The following ZNF609 variants were observed in gnomAD, a reference collection of about 807,000 sequenced individuals.
ZNF609 encodes the protein zinc finger protein 609.
Under a neutral mutation model 109.5 loss-of-function variants are expected in ZNF609, and 11 were observed. The observed-to-expected ratio is 0.10, with a 90% CI of 0.06 to 0.17. The LOEUF is 0.17. ZNF609 is among the 10% of genes least tolerant of loss of function. ZNF609 has a pLI of 1.00. For synonymous variants in ZNF609, 646 were observed against 662.0 expected (o/e 0.98, Z 0.37); for missense variants, 1,559 against 1,772.4 (o/e 0.88, Z 2.16).
intron 3 of ZNF609, among the ~76,000 whole-genome samples, chr15:64,627,970 T>G (rs1895998621): frequency 6.6e-6 from 1 of 150,526 alleles, no homozygotes. Context: ...TATCAGCTCT[T>G]AAGTTATAAA....
chr15:64,649,623 C>G (rs1430695390), intron 3 of ZNF609, among the ~76,000 whole-genome samples: 1 of 152,172 alleles, frequency 6.6e-6, no homozygotes, highest in Non-Finnish European at 1.5e-5. Flanking sequence ...TTATTCTGTT[C>G]AGTACTTACT....
intron 2 of ZNF609, among the ~76,000 whole-genome samples, chr15:64,526,016 C>A (rs1369617418): frequency 6.6e-6 from 1 of 151,932 alleles, no homozygotes; most frequent in Non-Finnish European, 1.5e-5. Context: ...TTTCCAACTC[C>A]TGGCCTCGAG....
intron 2 of ZNF609, among the ~76,000 whole-genome samples, chr15:64,543,794 G>T (rs996950609): frequency 6.6e-6 from 1 of 152,114 alleles, no homozygotes; most frequent in African/African-American, 2.4e-5. Context: ...AGCAATCAAA[G>T]TTTTACTCTG....
intron 2 of ZNF609, among the ~76,000 whole-genome samples, chr15:64,511,684 A>G (rs1893733327): frequency 6.6e-6 from 1 of 151,140 alleles, no homozygotes; most frequent in Admixed American, 6.6e-5. Flanking sequence ...ACTGGATAAA[A>G]TCTTTGTGGC....
chr15:64,639,570 T>C (rs1027603105), intron 3 of ZNF609, among the ~76,000 whole-genome samples: 1 of 152,174 alleles, frequency 6.6e-6, no homozygotes, highest in Non-Finnish European at 1.5e-5. Flanking sequence ...ATTGCTCCAT[T>C]TTATAAGGAC....
At chr15:64,537,864 G>A (rs1207326522) in intron 2 of ZNF609, among the ~76,000 whole-genome samples, 2 of 152,104 alleles carry the variant, frequency 1.3e-5, no homozygotes, top group Non-Finnish European at 2.9e-5. Flanking sequence ...TGCAAAGGAG[G>A]CTGAGGTGGG....
At chr15:64,622,555 AT>A (rs1444315790) in intron 2 of ZNF609, among the ~76,000 whole-genome samples, 1 of 152,174 alleles carries the variant, frequency 6.6e-6, no homozygotes, top group Non-Finnish European at 1.5e-5. Flanking sequence ...TTTAAAAAAC[AT>A]TTTAGCCAAG....
At chr15:64,593,024 G>T in intron 2 of ZNF609, 1 of 1,584,684 alleles carries the variant, frequency 6.3e-7, no homozygotes, top group South Asian at 1.1e-5. Context: ...AAAGGGCCGC[G>T]GCCACATGCA....
intron 2 of ZNF609, among the ~76,000 whole-genome samples, chr15:64,553,670 C>T (rs2140395613): frequency 6.6e-6 from 1 of 151,916 alleles, no homozygotes; most frequent in South Asian, 2.1e-4. Flanking sequence ...GCAATCTTGG[C>T]TCACTGCAAG....
chr15:64,650,942 ATGTT>A (rs1367345514), intron 3 of ZNF609, among the ~76,000 whole-genome samples: 4 of 152,134 alleles, frequency 2.6e-5, no homozygotes, highest in Non-Finnish European at 5.9e-5. Context: ...AATTATAAAA[ATGTT>A]TGTTACTGGC....
At chr15:64,539,190 A>G (rs1388605460) in intron 2 of ZNF609, among the ~76,000 whole-genome samples, 1 of 144,278 alleles carries the variant, frequency 6.9e-6, no homozygotes, top group East Asian at 2.0e-4. Flanking sequence ...TTATTTATTT[A>G]TTTATTTATT....
intron 3 of ZNF609, among the ~76,000 whole-genome samples, chr15:64,656,802 C>G (rs764670528): frequency 2.6e-5 from 4 of 151,620 alleles, no homozygotes; most frequent in Admixed American, 6.6e-5. Context: ...CTCCCTTCCT[C>G]TTTCTTTAGA....
intron 2 of ZNF609, among the ~76,000 whole-genome samples, chr15:64,596,040 G>A (rs911527202): frequency 3.9e-5 from 6 of 152,068 alleles, no homozygotes; most frequent in Non-Finnish European, 5.9e-5. Flanking sequence ...TTTTAATGTT[G>A]CCCATTCCCT....
Position 64,590,494 on chromosome 15 carries a change from G to A in ZNF609, c.748-32333G>A, listed in dbSNP as rs571756816. The stretch of plus-strand genomic sequence containing the variant: ...GTGCCACCACACCCAGCTAATTTTT[G>A]TGTTAGTAGAGTTGGGGTTTTGCCA... On this transcript the variant is annotated intron_variant, in intron 2 of 9. Transcript: ENST00000326648. Among the ~76,000 whole-genome samples, 6 of 152,054 alleles carry A rather than the reference G, an allele frequency of 3.9e-5. No homozygotes were observed. The South Asian group carries it at 1.2e-3, about 32-fold the overall frequency.
chr15:64,496,953 C>T (rs565424285), intron 1 of ZNF609, among the ~76,000 whole-genome samples: 1 of 152,258 alleles, frequency 6.6e-6, no homozygotes, highest in South Asian at 2.1e-4. Flanking sequence ...GTAGCGGGGG[C>T]TACAAGCATT....
chr15:64,672,962 CAA>C (rs554300308), intron 4 of ZNF609, among the ~76,000 whole-genome samples: 31 of 98,530 alleles, frequency 3.1e-4, no homozygotes, highest in Admixed American at 5.8e-4. Context: ...GACTCCATCT[CAA>C]AAAAAAAAAA....
chr15:64,599,160 T>C (rs1895451277), intron 2 of ZNF609, among the ~76,000 whole-genome samples: 1 of 149,818 alleles, frequency 6.7e-6, no homozygotes, highest in Non-Finnish European at 1.5e-5. Flanking sequence ...AAAAGTTATT[T>C]TGTGGTGGTT....
At chr15:64,561,171 C>G (rs1275502161) in intron 2 of ZNF609, among the ~76,000 whole-genome samples, 1 of 152,226 alleles carries the variant, frequency 6.6e-6, no homozygotes, top group East Asian at 1.9e-4. Flanking sequence ...CAGTTATCAG[C>G]TCTTCCATAC....
chr15:64,484,820 A>G (rs1389994658), intron 1 of ZNF609, among the ~76,000 whole-genome samples: 1 of 150,874 alleles, frequency 6.6e-6, no homozygotes, highest in Non-Finnish European at 1.5e-5. Context: ...CTAAAAATAC[A>G]AAAATTAGCT....
Sources: gnomAD v4.1 joint callset for allele counts (sites outside exome capture counted in the v4.1 genomes callset) on GRCh38, gnomAD v4.1.1 for gene constraint, MANE v1.5 for transcripts, NCBI Gene and HGNC (gene_info 2026-07-23, HGNC 2026-07-21) for gene names.